Variants in ROBO2 observed in about 807,000 individuals in gnomAD.
The protein encoded by ROBO2 is roundabout homolog 2.
Under a neutral mutation model 160.8 loss-of-function variants are expected in ROBO2, and 53 were observed. That is an observed-to-expected ratio of 0.33 (90% CI 0.26 to 0.41). ROBO2 has a LOEUF of 0.41. Among genes scored for constraint, ROBO2 ranks in the 10% least tolerant of loss-of-function variants. The pLI, the probability that ROBO2 is intolerant of heterozygous loss-of-function variation, is 1.00. For synonymous variants in ROBO2, 664 were observed against 611.7 expected, an observed-to-expected ratio of 1.09 and a Z score of -1.26; for missense variants, 1,577 against 1,722.4, an observed-to-expected ratio of 0.92 and a Z score of 1.49.
In ROBO2 at chr3:76,617,687, G is replaced by C. The variant is rs370829475; in HGVS notation, c.110-480327G>C. Among the ~76,000 whole-genome samples, 95 of 152,156 alleles carry C rather than the reference G, an allele frequency of 6.2e-4. 1 individual carries two copies. The highest frequency in any genetic ancestry group is 6.2e-3 in the South Asian group (30 of 4,826). On this transcript the variant is annotated intron_variant, in intron 2 of 26. Transcript: ENST00000487694. ...CTATTCCATTTGGTGAATGATTAAAGACCTATAGACCACCTGTATTAGTCT... is the reference window on the plus strand; with the variant it reads ...CTATTCCATTTGGTGAATGATTAAACACCTATAGACCACCTGTATTAGTCT...
At chr3:76,041,407 A>G (rs1479953232) in intron 2 of ROBO2, among the ~76,000 whole-genome samples, 2 of 151,956 alleles carry the variant, frequency 1.3e-5, no homozygotes, top group Admixed American at 1.3e-4. Flanking sequence ...AAGTTACACA[A>G]CTCATTCCCT....
chr3:77,037,971 G>A (rs1420996991), upstream of ROBO2, among the ~76,000 whole-genome samples: 1 of 152,144 alleles, frequency 6.6e-6, no homozygotes, highest in African/African-American at 2.4e-5. Context: ...TGTATTATTT[G>A]GAGACATGAG....
chr3:76,054,922 C>T (rs149174862), intron 2 of ROBO2, among the ~76,000 whole-genome samples: 1 of 152,048 alleles, frequency 6.6e-6, no homozygotes, highest in South Asian at 2.1e-4. Context: ...TGGACATATC[C>T]TTAAGTTGAT....
chr3:77,527,304 A>C (rs2091257557), intron 6 of ROBO2, 99 bp from the exon 7 acceptor site: 4 of 851,682 alleles, frequency 4.7e-6, no homozygotes. Context: ...TATTGTCCAT[A>C]CTTAAATGTA....
chr3:76,927,023 A>G (rs1332251638), intron 2 of ROBO2, among the ~76,000 whole-genome samples: 1 of 152,220 alleles, frequency 6.6e-6, no homozygotes, highest in African/African-American at 2.4e-5. Flanking sequence ...GCTGTGGAAC[A>G]CATGAGATTA....
chr3:76,528,703 A>G (rs1020702714), intron 2 of ROBO2, among the ~76,000 whole-genome samples: 1 of 152,048 alleles, frequency 6.6e-6, no homozygotes, highest in Non-Finnish European at 1.5e-5. Context: ...TCTCATTAGC[A>G]TATAGATGGT....
chr3:77,004,989 T>C (rs1021564864), intron 2 of ROBO2, among the ~76,000 whole-genome samples: 1 of 152,084 alleles, frequency 6.6e-6, no homozygotes, highest in Admixed American at 6.6e-5. Flanking sequence ...TCTTCTACAC[T>C]TATCACCAGA....
chr3:76,249,538 A>T (rs1448485239), intron 2 of ROBO2, among the ~76,000 whole-genome samples: 2 of 152,168 alleles, frequency 1.3e-5, no homozygotes, highest in African/African-American at 4.8e-5. Flanking sequence ...TTGCAATCTT[A>T]CTTTTCCCAG....
At chr3:77,245,434 A>C (rs1459292413) in intron 2 of ROBO2, among the ~76,000 whole-genome samples, 2 of 152,224 alleles carry the variant, frequency 1.3e-5, no homozygotes, top group Non-Finnish European at 2.9e-5. Context: ...TAAAAAATTA[A>C]TTCTGTGCAT....
chr3:77,284,767 A>C (rs1180512618), intron 2 of ROBO2, among the ~76,000 whole-genome samples: 1 of 152,168 alleles, frequency 6.6e-6, no homozygotes, highest in South Asian at 2.1e-4. Flanking sequence ...TAATATTATT[A>C]ATAATAATAT....
chr3:76,978,926 G>T (rs71322778), intron 2 of ROBO2, among the ~76,000 whole-genome samples: 8,019 of 135,586 alleles, frequency 0.059, 257 homozygotes, highest in Non-Finnish European at 0.07. Context: ...AGTTTTTTTT[G>T]TTTGTTTGTT....
chr3:76,288,971 T>C (rs1708668710), intron 2 of ROBO2, among the ~76,000 whole-genome samples: 1 of 152,190 alleles, frequency 6.6e-6, no homozygotes, highest in African/African-American at 2.4e-5. Context: ...TGCATGTGAC[T>C]TTATGGTAGA....
At chr3:76,025,601 A>T (rs1221116513) in intron 2 of ROBO2, among the ~76,000 whole-genome samples, 1 of 151,740 alleles carries the variant, frequency 6.6e-6, no homozygotes. Flanking sequence ...CTCAGATACA[A>T]TAAAACTCAC....
intron 2 of ROBO2, among the ~76,000 whole-genome samples, chr3:76,539,665 A>G (rs1258349566): frequency 6.6e-6 from 1 of 152,198 alleles, no homozygotes; most frequent in Non-Finnish European, 1.5e-5. Context: ...AAATATAAAG[A>G]CAGACTAGTA....
At chr3:77,101,519 G>C (rs1252158700) in intron 2 of ROBO2, among the ~76,000 whole-genome samples, 1 of 152,122 alleles carries the variant, frequency 6.6e-6, no homozygotes. Flanking sequence ...TCTGAGATAG[G>C]TGTTGAAGCC....
intron 2 of ROBO2, among the ~76,000 whole-genome samples, chr3:77,200,937 A>C (rs1246805389): frequency 6.6e-6 from 1 of 152,142 alleles, no homozygotes; most frequent in African/African-American, 2.4e-5. Context: ...ACAGTAGCAC[A>C]AGTCTTTTGG....
At chr3:76,953,820 A>ATGTGTGTG (rs112746282) in intron 2 of ROBO2, among the ~76,000 whole-genome samples, 1 of 149,312 alleles carries the variant, frequency 6.7e-6, no homozygotes, top group Non-Finnish European at 1.5e-5. Flanking sequence ...TCCTTTTTAA[A>ATGTGTGTG]TGTGTGTGTG....
At chr3:77,542,262 A>G (rs2092497499) in intron 6 of ROBO2, among the ~76,000 whole-genome samples, 1 of 151,142 alleles carries the variant, frequency 6.6e-6, no homozygotes, top group African/African-American at 2.4e-5. Context: ...CAAAAGTAAA[A>G]GTGATTGATG....
intron 2 of ROBO2, among the ~76,000 whole-genome samples, chr3:77,424,184 C>T (rs1318054470): frequency 6.6e-6 from 1 of 152,078 alleles, no homozygotes; most frequent in Non-Finnish European, 1.5e-5. Flanking sequence ...TCTGGGATAA[C>T]TCTAGACAAT....
Sources: gnomAD v4.1 joint callset for allele counts (sites outside exome capture counted in the v4.1 genomes callset) on GRCh38, gnomAD v4.1.1 for gene constraint, MANE v1.5 for transcripts, NCBI Gene and HGNC (gene_info 2026-07-23, HGNC 2026-07-21) for gene names.